SEC14L6: variants seen among roughly 807,000 people sequenced by gnomAD.
SEC14L6 encodes SEC14-like protein 6.
A neutral mutation model predicts 54.1 loss-of-function variants in SEC14L6; 40 were observed. That is an observed-to-expected ratio of 0.74 (90% CI 0.57 to 0.96). The LOEUF (loss-of-function observed/expected upper bound fraction) is 0.96. Among genes scored for constraint, SEC14L6 ranks in the 40% least tolerant of loss-of-function variants. SEC14L6 has a pLI of 0.00. For synonymous variants in SEC14L6, 171 were observed against 198.4 expected, an observed-to-expected ratio of 0.86 and a Z score of 1.16; for missense variants, 471 against 498.3, an observed-to-expected ratio of 0.95 and a Z score of 0.52.
In SEC14L6 at chr22:30,525,864, T is replaced by C. The variant is rs942327506; in HGVS notation, c.733A>G (p.Met245Val). 2 of 1,613,724 alleles carry C rather than the reference T, an allele frequency of 1.2e-6. No individual in the cohort carries two copies. Among genetic ancestry groups the C allele is most frequent in the East Asian group, 4.5e-5 (2 of 44,882 alleles). ...DQLPVEFGGTMTDPDGNPKCL... is the reference protein window; with the variant it reads ...DQLPVEFGGTVTDPDGNPKCL... ...TTGGGGTTGCCATCGGGGTCAGTCA[T>C]GGTCCCCCCAAACTCCACGGGCAGC... Residue 245 changes from methionine to valine, a missense_variant, in exon 9 of 12, where the codon ATG (methionine) becomes GTG (valine). Transcript: ENST00000402034.
Sources: gnomAD v4.1 joint callset for allele counts on GRCh38, gnomAD v4.1.1 for gene constraint, MANE v1.5 for transcripts, NCBI Gene and HGNC (gene_info 2026-07-23, HGNC 2026-07-21) for gene names.